The following ST8SIA6 variants were observed in gnomAD, a reference collection of about 807,000 sequenced individuals.
The protein encoded by ST8SIA6 is alpha-2,8-sialyltransferase 8F.
A neutral mutation model predicts 33.6 loss-of-function variants in ST8SIA6; 39 were observed. The observed-to-expected ratio is 1.16, with a 90% confidence interval of 0.90 to 1.52. The LOEUF (loss-of-function observed/expected upper bound fraction) is 1.52. ST8SIA6 is among the 40% of genes most tolerant of loss of function. The pLI is 0.00. For synonymous variants in ST8SIA6, 172 were observed against 167.2 expected (o/e 1.03, Z -0.22); for missense variants, 441 against 443.8 (o/e 0.99, Z 0.06).
chr10:17,420,390 C>A (rs1015282006), intron 2 of ST8SIA6, among the ~76,000 whole-genome samples: 1 of 151,552 alleles, frequency 6.6e-6, no homozygotes, highest in African/African-American at 2.4e-5. Context: ...CCAGCCTGGG[C>A]GACAGAGCGA....
intron 2 of ST8SIA6, among the ~76,000 whole-genome samples, chr10:17,408,518 G>T (rs1165531307): frequency 1.3e-5 from 2 of 151,884 alleles, no homozygotes; most frequent in Non-Finnish European, 2.9e-5. Context: ...GCAAAAATTA[G>T]CTGGGCATGG....
At chr10:17,391,452 C>A (rs192279556) in intron 2 of ST8SIA6, among the ~76,000 whole-genome samples, 1 of 151,284 alleles carries the variant, frequency 6.6e-6, no homozygotes, top group African/African-American at 2.4e-5. Context: ...TTAGTAGAGA[C>A]GGGGTTTCAG....
At chr10:17,446,320 A>G (rs1300562736) in intron 2 of ST8SIA6, among the ~76,000 whole-genome samples, 1 of 152,244 alleles carries the variant, frequency 6.6e-6, no homozygotes, top group East Asian at 1.9e-4. Flanking sequence ...TACTTTTGAA[A>G]AACAGTTAAC....
chr10:17,392,519 C>G (rs1191268101), intron 2 of ST8SIA6, among the ~76,000 whole-genome samples: 1 of 152,048 alleles, frequency 6.6e-6, no homozygotes, highest in Non-Finnish European at 1.5e-5. Flanking sequence ...GAGTAAGACT[C>G]TGTCTCAAAA....
intron 2 of ST8SIA6, among the ~76,000 whole-genome samples, chr10:17,446,038 T>TA (rs559392551): frequency 0.079 from 11,631 of 147,706 alleles, 912 homozygotes; most frequent in African/African-American, 0.21. Flanking sequence ...TTATCACAAT[T>TA]AAAAAAAAAA....
At chr10:17,335,173 A>G (rs1010368631) in intron 4 of ST8SIA6, among the ~76,000 whole-genome samples, 12 of 152,130 alleles carry the variant, frequency 7.9e-5, no homozygotes, top group Non-Finnish European at 1.3e-4. Context: ...GGTTTTAGTC[A>G]TCTTGTTTCT....
At chr10:17,388,252 T>C (rs2043886360) in intron 3 of ST8SIA6, among the ~76,000 whole-genome samples, 1 of 152,196 alleles carries the variant, frequency 6.6e-6, no homozygotes, top group Non-Finnish European at 1.5e-5. Flanking sequence ...GCCTCCTGGA[T>C]CCTGGATTCC....
Position 17,315,924 on chromosome 10 carries a change from A to G in ST8SIA6, c.*4954T>C, listed in dbSNP as rs1227818501. On this transcript the variant is annotated 3_prime_UTR_variant, in exon 8 of 8. Transcript: ENST00000377602. ...TAATACTGATTTTTCTTTTCATTTT[A>G]TAATTGCATAATGGAAATAATATTG... is the stretch of plus-strand genomic sequence containing the variant. Among the ~76,000 whole-genome samples, 1 of 151,944 alleles carries G rather than the reference A, an allele frequency of 6.6e-6. No homozygotes were observed. The highest frequency in any genetic ancestry group is 1.5e-5 in the Non-Finnish European group (1 of 67,868).
At chr10:17,333,745 A>ACAGTCTTG (rs1848411119) in intron 4 of ST8SIA6, among the ~76,000 whole-genome samples, 1 of 30,114 alleles carries the variant, frequency 3.3e-5, no homozygotes, top group Admixed American at 3.7e-4. Flanking sequence ...TTTTTTTGCT[A>ACAGTCTTG]CAGTCTTGCT....
intron 2 of ST8SIA6, among the ~76,000 whole-genome samples, chr10:17,452,626 A>G (rs560623572): frequency 1.3e-4 from 20 of 152,342 alleles, no homozygotes; most frequent in African/African-American, 4.1e-4. Context: ...AAATGAAGAT[A>G]AAGATTTACA....
chr10:17,420,455 T>G (rs1851745351), intron 2 of ST8SIA6, among the ~76,000 whole-genome samples: 2 of 152,148 alleles, frequency 1.3e-5, no homozygotes. Flanking sequence ...TAAAAGCTAG[T>G]GCACATTTTT....
chr10:17,335,893 C>A (rs1354819924), intron 4 of ST8SIA6, among the ~76,000 whole-genome samples: 1 of 152,094 alleles, frequency 6.6e-6, no homozygotes, highest in East Asian at 1.9e-4. Flanking sequence ...AAGAATATTG[C>A]ATCACCAAAA....
intron 2 of ST8SIA6, among the ~76,000 whole-genome samples, chr10:17,406,634 C>T (rs188451657): frequency 9.9e-5 from 15 of 152,222 alleles, no homozygotes; most frequent in East Asian, 7.7e-4. Context: ...GTCTATACAG[C>T]GGCGGTTGTT....
chr10:17,426,864 G>A (rs935892346), intron 2 of ST8SIA6, among the ~76,000 whole-genome samples: 2 of 152,218 alleles, frequency 1.3e-5, no homozygotes, highest in Admixed American at 1.3e-4. Flanking sequence ...CACTTTGGGA[G>A]GCAGAGGTGG....
At position 17,377,670 on chromosome 10, in the gene ST8SIA6, A is replaced by T. The variant is rs533004539; in HGVS notation, c.290+12861T>A. Among the ~76,000 whole-genome samples, 7 of 152,308 alleles carry T rather than the reference A, an allele frequency of 4.6e-5. No homozygotes were observed. In the South Asian group the frequency reaches 1.5e-3, roughly 32 times the overall value. ...CATTTATTCAAAAAATATAGTTAAG[A>T]CTAGGGGAGAAAAAGAGCACTTTTC... On this transcript the variant is annotated intron_variant, in intron 3 of 7. Transcript: ENST00000377602.
intron 2 of ST8SIA6, among the ~76,000 whole-genome samples, chr10:17,398,827 A>G (rs1564445012): frequency 6.6e-6 from 1 of 152,094 alleles, no homozygotes; most frequent in Non-Finnish European, 1.5e-5. Context: ...AGCACTGTAG[A>G]GGGATGTAAC....
At chr10:17,358,699 A>T (rs982394645) in intron 4 of ST8SIA6, among the ~76,000 whole-genome samples, 1 of 122,772 alleles carries the variant, frequency 8.1e-6, no homozygotes. Context: ...AGGAAAAAGG[A>T]GGAGGAGGAG....
At chr10:17,392,823 T>C in intron 2 of ST8SIA6, among the ~76,000 whole-genome samples, 1 of 152,216 alleles carries the variant, frequency 6.6e-6, no homozygotes, top group East Asian at 1.9e-4. Flanking sequence ...GCCCACTGTA[T>C]GTCTGGAGGC....
At chr10:17,354,116 A>G (rs116476382) in intron 4 of ST8SIA6, among the ~76,000 whole-genome samples, 58 of 152,274 alleles carry the variant, frequency 3.8e-4, no homozygotes, top group African/African-American at 1.3e-3. Flanking sequence ...GAGCTCAAAG[A>G]TCTGCGGGGA....
Sources: gnomAD v4.1 joint callset for allele counts (sites outside exome capture counted in the v4.1 genomes callset) on GRCh38, gnomAD v4.1.1 for gene constraint, MANE v1.5 for transcripts, NCBI Gene and HGNC (gene_info 2026-07-23, HGNC 2026-07-21) for gene names.